The following SLC29A4 variants were observed in gnomAD, a reference collection of about 807,000 sequenced individuals.
The protein encoded by SLC29A4 is equilibrative nucleoside transporter 4.
A neutral mutation model predicts 43.9 loss-of-function variants in SLC29A4; 36 were observed. That is an observed-to-expected ratio of 0.82 (90% CI 0.63 to 1.08). The LOEUF is 1.08. SLC29A4 is among the 50% of genes least tolerant of loss of function. The pLI, the probability that SLC29A4 is intolerant of heterozygous loss-of-function variation, is 0.00. For missense variants in SLC29A4, 869 were observed against 755.3 expected, an observed-to-expected ratio of 1.15 and a Z score of -1.77; for synonymous variants, 491 against 338.0, an observed-to-expected ratio of 1.45 and a Z score of -4.97.
intron 5 of SLC29A4, among the ~76,000 whole-genome samples, chr7:5,292,093 T>C (rs540023413): frequency 6.6e-6 from 1 of 152,352 alleles, no homozygotes; most frequent in African/African-American, 2.4e-5. Flanking sequence ...AAGACTGTTC[T>C]GCCTTTGTCA....
chr7:5,294,874 T>A lies in SLC29A4; in HGVS notation c.559T>A (p.Phe187Ile). The change falls in exon 6 of 11, where the codon TTC (phenylalanine) becomes ATC (isoleucine). Residue 187 changes from phenylalanine (F) to isoleucine (I), a missense_variant. By Grantham distance (21) the Phe-to-Ile change is conservative. Coordinates refer to ENST00000396872, the MANE Select transcript of SLC29A4 (RefSeq NM_153247.4). Reference sequence around the variant, plus strand: ...TCTCTCTTAAGTGCAGCAATCCAGCTTCTACGGGTACACGGGGATGCTGCC... The same window carrying A: ...TCTCTCTTAAGTGCAGCAATCCAGCATCTACGGGTACACGGGGATGCTGCC... ...AFGCTVQQSSFYGYTGMLPKR... is the reference protein window; with the variant it reads ...AFGCTVQQSSIYGYTGMLPKR... 6.2e-7 allele frequency: 1 copy of A among 1,612,558 alleles called. No homozygotes were observed. Among genetic ancestry groups the A allele is most frequent in the South Asian group, 1.1e-5 (1 of 91,034 alleles).
At chr7:5,296,813 A>G (rs1479449097) in intron 6 of SLC29A4, 123 bp from the exon 7 acceptor site, 5 of 1,006,690 alleles carry the variant, frequency 5.0e-6, no homozygotes, top group African/African-American at 3.3e-5. Flanking sequence ...GGGTGGGGGC[A>G]GGGCCTGTGG....
In SLC29A4 at chr7:5,300,516, T is replaced by C; in HGVS notation, c.1304T>C (p.Val435Ala). ...TTCATCCCCCTCTTCATCCTGTGCG[T>C]CTACCCCAGCGGCATGCCCGCCCTC... ...VVFIPLFILC[V>A]YPSGMPALRH... Residue 435 changes from valine to alanine, a missense_variant, in exon 10 of 11, where the codon GTC becomes GCC. Transcript: ENST00000396872. 6.2e-7 allele frequency: 1 copy of C among 1,612,142 alleles called. No homozygotes were observed. Among genetic ancestry groups the C allele is most frequent in the Non-Finnish European group, 8.5e-7 (1 of 1,179,776 alleles).
At chr7:5,286,179 A>G (rs1451426269) in intron 1 of SLC29A4, among the ~76,000 whole-genome samples, 1 of 152,128 alleles carries the variant, frequency 6.6e-6, no homozygotes. Context: ...CAAACTCCCT[A>G]CGACGAGCAC....
Position 5,290,828 on chromosome 7 carries a change from T to G in SLC29A4, c.266T>G (p.Ile89Ser). 6.2e-7 allele frequency: 1 copy of G among 1,613,828 alleles called. No individual in the cohort carries two copies. Among genetic ancestry groups the G allele is most frequent in the African/African-American group, 1.3e-5 (1 of 75,042 alleles). ...VGFLLPYNSF[I>S]TDVDYLHHKY... is the part of the protein sequence containing the mutation. ...TTCCTGCTGCCATACAACAGCTTCATCACGGACGTGGACTACCTGCATCAC... is the reference window on the plus strand; with the variant it reads ...TTCCTGCTGCCATACAACAGCTTCAGCACGGACGTGGACTACCTGCATCAC... The change falls in exon 3 of 11, where the codon ATC becomes AGC. Residue 89 changes from isoleucine (I) to serine (S), a missense_variant. Coordinates refer to ENST00000396872, the MANE Select transcript of SLC29A4 (RefSeq NM_153247.4).
intron 5 of SLC29A4, among the ~76,000 whole-genome samples, chr7:5,292,511 C>G (rs186472385): frequency 3.3e-5 from 5 of 152,106 alleles, no homozygotes; most frequent in Admixed American, 2.0e-4. Flanking sequence ...TACGAGCACT[C>G]TCTCCCCCTC....
chr7:5,294,616 T>G (rs1311864998), intron 5 of SLC29A4, among the ~76,000 whole-genome samples: 2 of 152,176 alleles, frequency 1.3e-5, no homozygotes, highest in Non-Finnish European at 2.9e-5. Context: ...TTTCACTGCC[T>G]TGCCCAGTAG....
At position 5,300,450 on chromosome 7, in the gene SLC29A4, G is replaced by A. The variant is rs763998061; in HGVS notation, c.1238G>A (p.Arg413Gln). Residue 413 changes from arginine (R) to glutamine (Q), a missense_variant, in exon 10 of 11, where the codon CGG (arginine) becomes CAG (glutamine). Coordinates refer to ENST00000396872, the MANE Select transcript of SLC29A4 (RefSeq NM_153247.4). ...CTGGCAGCCCTGCCCGTGGACTGGC[G>A]GGGCACCCACCTGCTGGCCTGCTCC... ...KILAALPVDW[R>Q]GTHLLACSCL... is the part of the protein sequence containing the mutation. 3.7e-5 allele frequency: 60 copies of A among 1,611,174 alleles called. No individual in the cohort carries two copies. Among genetic ancestry groups the A allele is most frequent in the Non-Finnish European group, 4.2e-5 (49 of 1,179,732 alleles).
At chr7:5,287,648 C>G (rs1266768474) in intron 1 of SLC29A4, among the ~76,000 whole-genome samples, 161 bp from the exon 2 acceptor site, 1 of 152,212 alleles carries the variant, frequency 6.6e-6, no homozygotes, top group Non-Finnish European at 1.5e-5. Flanking sequence ...TGTTCAGGCA[C>G]TTTCCTGGCT....
chr7:5,288,361 C>T (rs747861751), intron 2 of SLC29A4, among the ~76,000 whole-genome samples: 1 of 135,172 alleles, frequency 7.4e-6, no homozygotes, highest in South Asian at 2.3e-4. Context: ...CTGGAGTGCA[C>T]TGGTGCAATC....
chr7:5,286,780 C>G (rs118188810), intron 1 of SLC29A4, among the ~76,000 whole-genome samples: 252 of 152,300 alleles, frequency 1.7e-3, no homozygotes, highest in Non-Finnish European at 3.2e-3. Context: ...GCCACACAGA[C>G]CTGGGTTGAG....
intron 7 of SLC29A4, 99 bp from the exon 8 acceptor site, chr7:5,298,889 C>A: frequency 1.5e-6 from 2 of 1,368,642 alleles, no homozygotes; most frequent in Non-Finnish European, 2.0e-6. Flanking sequence ...ATGTCAGCGC[C>A]AGCCCCAGTG....
chr7:5,306,493 C>G lies in SLC29A4; in HGVS notation c.*3554C>G, dbSNP rs2128095221. 6.6e-6 allele frequency: 1 copy of G among 151,990 alleles called. No homozygotes were observed. Among genetic ancestry groups the G allele is most frequent in the Admixed American group, 6.5e-5 (1 of 15,282 alleles). The allele number at this position is 151,990 out of a possible 1,614,324, so 9.4% of individuals were successfully genotyped here. A position where few individuals can be genotyped will look rare whatever the true frequency, so the allele number is the denominator to read the frequency against. ...TACAGGCACGCTCTACCACACCTGGCTAATTTTTTTTTGTATTTTTAGTAG... is the reference window on the plus strand; with the variant it reads ...TACAGGCACGCTCTACCACACCTGGGTAATTTTTTTTTGTATTTTTAGTAG... On this transcript the variant is annotated 3_prime_UTR_variant, in exon 11 of 11. Coordinates refer to ENST00000396872, the MANE Select transcript of SLC29A4 (RefSeq NM_153247.4).
At chr7:5,302,676 G>T (rs1181264236) in intron 10 of SLC29A4, 121 bp from the exon 11 acceptor site, 2 of 956,818 alleles carry the variant, frequency 2.1e-6, no homozygotes, top group African/African-American at 1.7e-5. Flanking sequence ...GAGCGATGGG[G>T]CAGCGGGTCC....
At chr7:5,296,853 G>A in intron 6 of SLC29A4, 83 bp from the exon 7 acceptor site, 1 of 1,414,114 alleles carries the variant, frequency 7.1e-7, no homozygotes, top group Non-Finnish European at 9.2e-7. Context: ...GGAGGGGTCT[G>A]TGTGTGGACG....
Position 5,291,129 on chromosome 7 carries a change from T to C in SLC29A4, c.307T>C (p.Ser103Pro). The change falls in exon 4 of 11, where the codon TCC becomes CCC. Residue 103 changes from serine to proline, a missense_variant. Physicochemically the swap from Ser to Pro is moderately conservative, Grantham distance 74. Coordinates refer to ENST00000396872, the MANE Select transcript of SLC29A4 (RefSeq NM_153247.4). ...CTGTCTCTGGCCCTCTGCAGGGACC[T>C]CCATCGTGTTTGACATGAGCCTCAC... ...DYLHHKYPGT[S>P]IVFDMSLTYI... The C allele has an allele frequency of 6.2e-7, 1 of 1,613,736 alleles. No homozygotes were observed. Among genetic ancestry groups the C allele is most frequent in the Non-Finnish European group, 8.5e-7 (1 of 1,179,988 alleles).
intron 6 of SLC29A4, among the ~76,000 whole-genome samples, chr7:5,295,867 G>C (rs532533888): frequency 6.6e-6 from 1 of 152,122 alleles, no homozygotes; most frequent in Admixed American, 6.5e-5. Flanking sequence ...CACTGATGTC[G>C]CGTGGTTTAT....
At chr7:5,292,991 AC>A (rs1267793161) in intron 5 of SLC29A4, among the ~76,000 whole-genome samples, 14 of 146,388 alleles carry the variant, frequency 9.6e-5, no homozygotes, top group African/African-American at 2.7e-4. Context: ...GAGCCACCGC[AC>A]CCCGCCCCGA....
At chr7:5,287,183 T>G (rs1051268446) in intron 1 of SLC29A4, among the ~76,000 whole-genome samples, 3 of 152,158 alleles carry the variant, frequency 2.0e-5, no homozygotes, top group African/African-American at 7.2e-5. Flanking sequence ...CCCCGCACTT[T>G]GGGAGGCCGA....
Sources: allele counts gnomAD v4.1 joint callset (sites outside exome capture counted in the v4.1 genomes callset), GRCh38; gene constraint gnomAD v4.1.1; transcripts MANE v1.5; gene names NCBI Gene and HGNC (gene_info 2026-07-23, HGNC 2026-07-21).